ZMYM2: variants seen among roughly 807,000 people sequenced by gnomAD.
ZMYM2 encodes the protein zinc finger MYM-type protein 2.
In ZMYM2, 56 loss-of-function variants were observed where a neutral mutation model predicts 162.8. The observed-to-expected ratio is 0.34, with a 90% confidence interval of 0.28 to 0.43. The LOEUF is 0.43. ZMYM2 is among the 20% of genes least tolerant of loss of function. The probability of loss-of-function intolerance (pLI) is 1.00; values close to 1 mark genes in which losing one functional copy is unlikely to be tolerated. For synonymous variants in ZMYM2, 510 were observed against 541.6 expected, an observed-to-expected ratio of 0.94 and a Z score of 0.81; for missense variants, 1,275 against 1,621.8, an observed-to-expected ratio of 0.79 and a Z score of 3.67.
At chr13:19,971,228 ATGTGTG>A (rs10629393) in intron 2 of ZMYM2, among the ~76,000 whole-genome samples, 9 of 58,918 alleles carry the variant, frequency 1.5e-4, no homozygotes, top group African/African-American at 6.0e-4. Flanking sequence ...GTTTATATAT[ATGTGTG>A]TGTGTGTGTG....
chr13:20,018,778 TCAAAAGAA>T lies in ZMYM2; in HGVS notation c.1513-768_1513-761del, dbSNP rs531534543. On this transcript the variant is annotated intron_variant, in intron 6 of 24. Coordinates refer to ENST00000610343, the MANE Select transcript of ZMYM2 (RefSeq NM_197968.4). Reference sequence around the variant, plus strand: ...ATGCTGGAAACTGTCATATGTGCTTTCAAAAGAATTTCTCAAACATGCCAGACACGGTG... The same window carrying T: ...ATGCTGGAAACTGTCATATGTGCTTTTTTCTCAAACATGCCAGACACGGTG... 2.5e-3 allele frequency among the ~76,000 whole-genome samples: 388 copies of T among 152,242 alleles called. 1 individual carries two copies. The highest frequency in any genetic ancestry group is 3.8e-3 in the Non-Finnish European group (258 of 68,004).
At chr13:20,083,925 T>C (rs1182473254) in intron 24 of ZMYM2, 149 bp downstream of exon 24, 1 of 837,866 alleles carries the variant, frequency 1.2e-6, no homozygotes, top group East Asian at 2.7e-5. Context: ...GTTATAATCT[T>C]TTATTTTGAA....
chr13:19,877,005 A>C, the ZMYM2 span, among the ~76,000 whole-genome samples: 1 of 152,174 alleles, frequency 6.6e-6, no homozygotes, highest in Non-Finnish European at 1.5e-5. Context: ...CGGGCGGATC[A>C]CGAGGTCAGG....
chr13:20,084,136 C>G (rs957094838), intron 24 of ZMYM2, among the ~76,000 whole-genome samples: 1 of 152,182 alleles, frequency 6.6e-6, no homozygotes, highest in Non-Finnish European at 1.5e-5. Flanking sequence ...CCTCTGCCTC[C>G]TGAGTTGCTG....
the ZMYM2 span, among the ~76,000 whole-genome samples, chr13:19,873,379 A>ATTTT: frequency 1.2e-3 from 119 of 95,606 alleles, 1 homozygote; most frequent in Middle Eastern, 0.011. Flanking sequence ...GACAGAGTCA[A>ATTTT]TTTTATTTAT....
chr13:19,976,944 A>G (rs1566196198), intron 2 of ZMYM2, among the ~76,000 whole-genome samples: 1 of 152,124 alleles, frequency 6.6e-6, no homozygotes. Flanking sequence ...GCTTTAATAT[A>G]TTTTGATGCT....
chr13:20,041,908 T>C (rs962970483), intron 12 of ZMYM2, among the ~76,000 whole-genome samples: 9 of 152,114 alleles, frequency 5.9e-5, no homozygotes, highest in African/African-American at 2.2e-4. Flanking sequence ...GCTTATAGGG[T>C]TTCTGCTGAG....
the ZMYM2 span, among the ~76,000 whole-genome samples, chr13:19,928,548 G>A: frequency 2.6e-3 from 389 of 152,184 alleles, 1 homozygote; most frequent in African/African-American, 8.9e-3. Context: ...TGTAATCCTG[G>A]CACTTTGGGA....
chr13:20,032,291 A>G (rs903301885), intron 10 of ZMYM2, among the ~76,000 whole-genome samples: 15 of 151,970 alleles, frequency 9.9e-5, no homozygotes, highest in African/African-American at 3.4e-4. Flanking sequence ...AATAACGCTG[A>G]TGATTGACTT....
At chr13:20,069,395 A>G (rs1366943057) in intron 21 of ZMYM2, among the ~76,000 whole-genome samples, 2 of 149,600 alleles carry the variant, frequency 1.3e-5, no homozygotes, top group African/African-American at 2.4e-5. Context: ...GTCTTTGACC[A>G]TTAAGTACGA....
chr13:20,045,735 ATTG>A (rs773158156), intron 12 of ZMYM2, among the ~76,000 whole-genome samples: 1 of 152,058 alleles, frequency 6.6e-6, no homozygotes, highest in Non-Finnish European at 1.5e-5. Context: ...TGTTTATCTT[ATTG>A]TTTGAGACAG....
chr13:19,957,135 C>G (rs1015875578), upstream of ZMYM2, among the ~76,000 whole-genome samples: 3 of 151,516 alleles, frequency 2.0e-5, no homozygotes, highest in Admixed American at 2.0e-4. Context: ...GGTGGAAAGC[C>G]TACTTGATTT....
Position 20,019,629 on chromosome 13 carries a change from A to T in ZMYM2, c.1584+11A>T. On this transcript the variant is annotated intron_variant, in intron 7 of 24. Transcript: ENST00000610343. ...TTAATGCAGCCTGAGGTAAGCAGGA[A>T]TGTAAATGGAGTTCAAGGCCTTAAC... 6.3e-7 allele frequency: 1 copy of T among 1,583,376 alleles called. No individual in the cohort carries two copies. The highest frequency in any genetic ancestry group is 8.6e-7 in the Non-Finnish European group (1 of 1,163,604).
At chr13:19,987,365 G>GCAAT (rs1949244349) in intron 2 of ZMYM2, among the ~76,000 whole-genome samples, 2 of 151,820 alleles carry the variant, frequency 1.3e-5, no homozygotes, top group South Asian at 4.1e-4. Flanking sequence ...CTTGGTTCAA[G>GCAAT]CGATTCTCCT....
Position 20,066,944 on chromosome 13 carries a change from G to A in ZMYM2, c.3226G>A (p.Val1076Ile), listed in dbSNP as rs542204363. 9.3e-6 allele frequency: 15 copies of A among 1,613,442 alleles called. No homozygotes were observed. The highest frequency in any genetic ancestry group is 2.2e-5 in the East Asian group (1 of 44,842). The change falls in exon 20 of 25, where the codon GTA becomes ATA. Residue 1076 changes from valine (V) to isoleucine (I), a missense_variant. Around this residue, in one of 10 missense-constraint regions of ZMYM2, gnomAD observed 229 missense variants for 283.8 expected, o/e 0.81. Transcript: ENST00000610343. Reference protein sequence around the residue: ...CSFPFKYTYGVNAWKHWVKTR... With the variant: ...CSFPFKYTYGINAWKHWVKTR... ...CTTTCCTTTCAAATATACGTATGGCGTAAATGCATGGAAACACTGGGTCAA... is the reference window on the plus strand; with the variant it reads ...CTTTCCTTTCAAATATACGTATGGCATAAATGCATGGAAACACTGGGTCAA...
At chr13:19,944,299 T>G in the ZMYM2 span, among the ~76,000 whole-genome samples, 1 of 152,112 alleles carries the variant, frequency 6.6e-6, no homozygotes, top group Non-Finnish European at 1.5e-5. Flanking sequence ...AACCTCTTAT[T>G]ATGAGAATTA....
At chr13:19,912,683 G>A in the ZMYM2 span, among the ~76,000 whole-genome samples, 2 of 152,066 alleles carry the variant, frequency 1.3e-5, no homozygotes, top group African/African-American at 4.8e-5. Context: ...TATTACATTG[G>A]TCCATTACAT....
chr13:20,024,381 C>T (rs1408156496), intron 7 of ZMYM2: 5 of 207,608 alleles, frequency 2.4e-5, no homozygotes, highest in Admixed American at 5.9e-5. Flanking sequence ...TAGACTCACT[C>T]GGTCAGTTTG....
chr13:19,915,301 G>C, the ZMYM2 span, among the ~76,000 whole-genome samples: 3 of 151,940 alleles, frequency 2.0e-5, no homozygotes, highest in African/African-American at 7.2e-5. Context: ...CACTATGTTG[G>C]CCAGGTTGGT....
Sources: gnomAD v4.1 joint callset for allele counts (sites outside exome capture counted in the v4.1 genomes callset) on GRCh38, gnomAD v4.1.1 for gene constraint, gnomAD v4.1.1 regional missense constraint, MANE v1.5 for transcripts, NCBI Gene and HGNC (gene_info 2026-07-23, HGNC 2026-07-21) for gene names.